The following KCNIP4 variants were observed in gnomAD, a reference collection of about 807,000 sequenced individuals.
The protein encoded by KCNIP4 is potassium voltage-gated channel interacting protein 4, also known as Kv channel-interacting protein 4.
Under a neutral mutation model 34.0 loss-of-function variants are expected in KCNIP4, and 12 were observed. The ratio of observed to expected loss-of-function variants is 0.35; its 90% CI spans 0.23 to 0.57. The LOEUF is 0.57. KCNIP4 is among the 20% of genes least tolerant of loss of function. The pLI is 0.83. For missense variants in KCNIP4, 238 were observed against 311.7 expected, an observed-to-expected ratio of 0.76 and a Z score of 1.78; for synonymous variants, 124 against 102.2, an observed-to-expected ratio of 1.21 and a Z score of -1.29.
At chr4:20,965,352 C>T (rs557819575) in intron 1 of KCNIP4, among the ~76,000 whole-genome samples, 37 of 152,192 alleles carry the variant, frequency 2.4e-4, no homozygotes, top group Middle Eastern at 6.8e-3. Flanking sequence ...GACCATGGCA[C>T]CATAAGGAAA....
At chr4:21,250,389 C>T (rs1760617157) in intron 1 of KCNIP4, among the ~76,000 whole-genome samples, 1 of 152,058 alleles carries the variant, frequency 6.6e-6, no homozygotes, top group Non-Finnish European at 1.5e-5. Context: ...TTCGTCTTCA[C>T]AAATGACAGT....
intron 1 of KCNIP4, among the ~76,000 whole-genome samples, chr4:21,747,682 A>C (rs533109371): frequency 6.6e-6 from 1 of 152,222 alleles, no homozygotes; most frequent in African/African-American, 2.4e-5. Context: ...GATGGATCTT[A>C]ATTGGGACTC....
chr4:21,498,717 A>G (rs1733054600), intron 1 of KCNIP4, among the ~76,000 whole-genome samples: 3 of 152,218 alleles, frequency 2.0e-5, no homozygotes, highest in African/African-American at 7.2e-5. Flanking sequence ...TTGAAGGCAC[A>G]GCCTGTTGAC....
chr4:20,961,268 A>T (rs1577440872), intron 1 of KCNIP4, among the ~76,000 whole-genome samples: 1 of 152,202 alleles, frequency 6.6e-6, no homozygotes, highest in East Asian at 1.9e-4. Flanking sequence ...AGGAAAAAAA[A>T]TCTCTGGTAG....
chr4:21,580,806 A>G (rs1741146043), intron 1 of KCNIP4, among the ~76,000 whole-genome samples: 1 of 152,078 alleles, frequency 6.6e-6, no homozygotes, highest in Admixed American at 6.5e-5. Context: ...AAGGGGAGCC[A>G]TTAAAAACAT....
At chr4:21,355,131 C>G (rs1289824852) in intron 1 of KCNIP4, among the ~76,000 whole-genome samples, 2 of 152,280 alleles carry the variant, frequency 1.3e-5, no homozygotes, top group East Asian at 3.9e-4. Context: ...GTACCAGATT[C>G]TCTGGAACAC....
chr4:21,812,244 T>A (rs1328518832), intron 1 of KCNIP4, among the ~76,000 whole-genome samples: 1 of 152,198 alleles, frequency 6.6e-6, no homozygotes, highest in Non-Finnish European at 1.5e-5. Context: ...TAACAGTCTA[T>A]TAATTATTAA....
chr4:21,917,816 C>T (rs1031536397), intron 1 of KCNIP4, among the ~76,000 whole-genome samples: 9 of 152,294 alleles, frequency 5.9e-5, no homozygotes, highest in African/African-American at 9.6e-5. Context: ...AATTACAAGA[C>T]GAATGAGTAC....
At chr4:21,547,884 T>C (rs1738268250) in intron 1 of KCNIP4, among the ~76,000 whole-genome samples, 1 of 152,066 alleles carries the variant, frequency 6.6e-6, no homozygotes, top group Non-Finnish European at 1.5e-5. Context: ...TTATAAAATA[T>C]TTTAATAATT....
intron 1 of KCNIP4, among the ~76,000 whole-genome samples, chr4:21,885,339 A>G (rs180976605): frequency 3.7e-4 from 57 of 152,276 alleles, no homozygotes; most frequent in African/African-American, 1.3e-3. Context: ...CTATTCGTGA[A>G]AAAAGTCTTA....
intron 1 of KCNIP4, among the ~76,000 whole-genome samples, chr4:21,873,790 G>C (rs1725942971): frequency 6.6e-6 from 1 of 152,186 alleles, no homozygotes; most frequent in South Asian, 2.1e-4. Flanking sequence ...CAAATAAATA[G>C]GTCTTGTAGG....
intron 1 of KCNIP4, among the ~76,000 whole-genome samples, chr4:21,922,426 T>C (rs911561182): frequency 6.6e-6 from 1 of 152,250 alleles, no homozygotes; most frequent in Non-Finnish European, 1.5e-5. Flanking sequence ...TATTGGGTTC[T>C]TACGCATTAG....
At chr4:21,314,541 G>A (rs1355693169) in intron 1 of KCNIP4, among the ~76,000 whole-genome samples, 1 of 152,178 alleles carries the variant, frequency 6.6e-6, no homozygotes, top group East Asian at 1.9e-4. Context: ...TTCTGTGGTT[G>A]TAGGAGGCTG....
intron 3 of KCNIP4, among the ~76,000 whole-genome samples, chr4:20,782,055 C>G (rs1389620327): frequency 2.0e-5 from 3 of 152,148 alleles, no homozygotes; most frequent in Admixed American, 1.3e-4. Context: ...AGTCCAAAAT[C>G]CAGCAGGGCA....
intron 1 of KCNIP4, among the ~76,000 whole-genome samples, chr4:21,504,475 A>AAAAAAGAAAGAAAGAAAGAAAG (rs1264431211): frequency 9.8e-6 from 1 of 101,852 alleles, no homozygotes; most frequent in Non-Finnish European, 2.0e-5. Context: ...CAAAAAAAAA[A>AAAAAAGAAAGAAAGAAAGAAAG]AAAGAAAGAA....
At chr4:21,420,195 C>A (rs1055329779) in intron 1 of KCNIP4, among the ~76,000 whole-genome samples, 1 of 152,164 alleles carries the variant, frequency 6.6e-6, no homozygotes, top group Non-Finnish European at 1.5e-5. Context: ...GAATGCATTG[C>A]ACTGGATATC....
intron 5 of KCNIP4, among the ~76,000 whole-genome samples, chr4:20,738,697 C>T (rs1416043770): frequency 6.6e-6 from 1 of 152,238 alleles, no homozygotes; most frequent in Non-Finnish European, 1.5e-5. Context: ...TGGGTGATTT[C>T]TGCATTTCCA....
intron 1 of KCNIP4, among the ~76,000 whole-genome samples, chr4:21,077,988 A>C (rs1363242949): frequency 6.6e-6 from 1 of 152,090 alleles, no homozygotes; most frequent in Non-Finnish European, 1.5e-5. Context: ...TAGAGATTTT[A>C]AGGAAGTCAT....
chr4:21,866,686 T>C (rs934446909), intron 1 of KCNIP4, among the ~76,000 whole-genome samples: 1 of 152,128 alleles, frequency 6.6e-6, no homozygotes, highest in Non-Finnish European at 1.5e-5. Flanking sequence ...TCAAACTGTA[T>C]TTCTGTTTCA....
Sources: gnomAD v4.1 joint callset for allele counts (sites outside exome capture counted in the v4.1 genomes callset) on GRCh38, gnomAD v4.1.1 for gene constraint, MANE v1.5 for transcripts, NCBI Gene and HGNC (gene_info 2026-07-23, HGNC 2026-07-21) for gene names.